ARHGAP44: variants seen among roughly 807,000 people sequenced by gnomAD.
ARHGAP44 encodes Rho GTPase activating protein 44.
ARHGAP44 carries 43 observed loss-of-function variants against 106.8 expected under a neutral mutation model. That is an observed-to-expected ratio of 0.40 (90% CI 0.32 to 0.52). The LOEUF (loss-of-function observed/expected upper bound fraction) is 0.52, where lower values mean the gene tolerates loss of function less well. ARHGAP44 is among the 20% of genes least tolerant of loss of function. The pLI, the probability that ARHGAP44 is intolerant of heterozygous loss-of-function variation, is 0.48. For synonymous variants in ARHGAP44, 439 were observed against 410.3 expected, an observed-to-expected ratio of 1.07 and a Z score of -0.85; for missense variants, 866 against 1,050.5, an observed-to-expected ratio of 0.82 and a Z score of 2.43.
At chr17:12,918,533 A>G (rs2037983179) in intron 5 of ARHGAP44, among the ~76,000 whole-genome samples, 1 of 152,234 alleles carries the variant, frequency 6.6e-6, no homozygotes, top group South Asian at 2.1e-4. Flanking sequence ...GAGCATCTAC[A>G]TACAACCAAA....
In ARHGAP44 at chr17:12,958,814, T is replaced by C. The variant is rs747176944; in HGVS notation, c.1440T>C (p.Ala480=). 7 of 1,608,302 alleles carry C rather than the reference T, an allele frequency of 4.4e-6. No homozygotes were observed. In the African/African-American group the frequency reaches 6.7e-5, roughly 15 times the overall value. Residue 480 remains alanine, a synonymous_variant, in exon 16 of 21, where the codon GCT becomes GCC. Transcript: ENST00000379672. This position sits in a 1 kb window ranked among gnomAD's most constrained non-coding sequence, Gnocchi z 4.1. Reference sequence around the variant, plus strand: ...TGCCCTCCCCAGACATGGACCCTGCTGACCGGCGCCAGCCCGAGCAGGCCC... The same window carrying C: ...TGCCCTCCCCAGACATGGACCCTGCCGACCGGCGCCAGCCCGAGCAGGCCC... ...SSMPSPDMDP[A]DRRQPEQARR...
At chr17:12,821,733 T>C (rs2034775965) in intron 1 of ARHGAP44, among the ~76,000 whole-genome samples, 1 of 152,214 alleles carries the variant, frequency 6.6e-6, no homozygotes, top group South Asian at 2.1e-4. Context: ...TTATGTTCCT[T>C]TCCTTTTGGA....
chr17:12,981,600 G>A (rs1362469190), intron 19 of ARHGAP44, among the ~76,000 whole-genome samples: 1 of 151,856 alleles, frequency 6.6e-6, no homozygotes, highest in Non-Finnish European at 1.5e-5. Flanking sequence ...GTTTCACCAT[G>A]TTGGCCAGAC....
intron 6 of ARHGAP44, among the ~76,000 whole-genome samples, chr17:12,925,918 ATGAC>A (rs1331067238): frequency 6.6e-6 from 1 of 152,114 alleles, no homozygotes; most frequent in East Asian, 1.9e-4. Flanking sequence ...TTTTCCCAAC[ATGAC>A]TATCTGTACA....
intron 1 of ARHGAP44, among the ~76,000 whole-genome samples, chr17:12,825,630 T>C (rs1316120171): frequency 6.6e-6 from 1 of 152,136 alleles, no homozygotes. Context: ...TCCAACTGAT[T>C]TGATGAGGCC....
At position 12,958,980 on chromosome 17, in the gene ARHGAP44, T is replaced by A; in HGVS notation, c.1523+83T>A. 1 of 1,469,188 alleles carries A rather than the reference T, an allele frequency of 6.8e-7. No homozygotes were observed. Among genetic ancestry groups the A allele is most frequent in the Non-Finnish European group, 9.3e-7 (1 of 1,079,068 alleles). 91.0% of individuals were successfully genotyped at this position (1,469,188 alleles called of 1,614,324 possible). On this transcript the variant is annotated intron_variant, in intron 16 of 20. Transcript: ENST00000379672. This position sits in a 1 kb window ranked among gnomAD's most constrained non-coding sequence, Gnocchi z 4.1. Reference sequence around the variant, plus strand: ...TGGGTGACGCATAAGAAAAATACAATTACGGGAAGGCTGCACTGACTCTCA... The same window carrying A: ...TGGGTGACGCATAAGAAAAATACAAATACGGGAAGGCTGCACTGACTCTCA...
intron 1 of ARHGAP44, among the ~76,000 whole-genome samples, chr17:12,793,147 A>G (rs928861548): frequency 2.0e-5 from 3 of 152,174 alleles, no homozygotes; most frequent in African/African-American, 7.2e-5. Context: ...TACTTGCAAA[A>G]TGGGAGTAGT....
chr17:12,919,862 T>G (rs143128485), intron 6 of ARHGAP44, 31 bp downstream of exon 6: 3 of 1,581,354 alleles, frequency 1.9e-6, no homozygotes, highest in South Asian at 2.3e-5. Context: ...TTTTTGCTTC[T>G]TTGAAGGGAC....
intron 1 of ARHGAP44, among the ~76,000 whole-genome samples, chr17:12,868,817 C>A (rs571897226): frequency 6.6e-6 from 1 of 151,216 alleles, no homozygotes; most frequent in South Asian, 2.1e-4. Flanking sequence ...GCCACCACGC[C>A]TGGCTAGTTT....
At chr17:12,819,582 GTT>G (rs112095946) in intron 1 of ARHGAP44, among the ~76,000 whole-genome samples, 4 of 141,584 alleles carry the variant, frequency 2.8e-5, no homozygotes, top group Admixed American at 7.0e-5. Context: ...ATACTGTCAA[GTT>G]TTTTTTTTTT....
rs1724045497 is a variant in ARHGAP44, at chr17:12,990,798, C to G, written c.*627C>G. 6.6e-6 allele frequency: 1 copy of G among 152,288 alleles called. No homozygotes were observed. The highest frequency in any genetic ancestry group is 1.5e-5 in the Non-Finnish European group (1 of 68,086). 9.4% of individuals were successfully genotyped at this position (152,288 alleles called of 1,614,324 possible). A position where few individuals can be genotyped will look rare whatever the true frequency, so the allele number is the denominator to read the frequency against. ...AAAACAAAAATGTTTCACTTCCTAA[C>G]AGTTTTCCTTTTTCCACTGTGTGAC... On this transcript the variant is annotated 3_prime_UTR_variant, in exon 21 of 21. Transcript: ENST00000379672.
chr17:12,967,249 C>CTTT (rs57651305), intron 16 of ARHGAP44, among the ~76,000 whole-genome samples: 3 of 93,182 alleles, frequency 3.2e-5, no homozygotes, highest in East Asian at 4.0e-4. Flanking sequence ...ACTCTTTTTG[C>CTTT]TTTTTTTTTT....
At chr17:12,915,751 G>T (rs2037891147) in intron 4 of ARHGAP44, 149 bp from the exon 5 acceptor site, 4 of 633,104 alleles carry the variant, frequency 6.3e-6, no homozygotes, top group Non-Finnish European at 1.1e-5. Context: ...GCTGGAACAG[G>T]TTGGCCCAGG....
intron 1 of ARHGAP44, among the ~76,000 whole-genome samples, chr17:12,796,865 A>G (rs1290798013): frequency 1.3e-5 from 2 of 150,134 alleles, no homozygotes; most frequent in African/African-American, 2.5e-5. Context: ...TCAGCCTCCC[A>G]AAGTGCTGGG....
intron 1 of ARHGAP44, among the ~76,000 whole-genome samples, chr17:12,869,507 G>A (rs2036341994): frequency 6.6e-6 from 1 of 151,702 alleles, no homozygotes; most frequent in Admixed American, 6.6e-5. Flanking sequence ...CCATTTTCAG[G>A]TATACAGTTC....
chr17:12,844,394 C>G (rs2035504420), intron 1 of ARHGAP44, among the ~76,000 whole-genome samples: 1 of 152,192 alleles, frequency 6.6e-6, no homozygotes, highest in South Asian at 2.1e-4. Flanking sequence ...GCAACAGACT[C>G]TTGTGATAAC....
Position 12,990,845 on chromosome 17 carries a change from A to ATATT in ARHGAP44, c.*676_*679dup, listed in dbSNP as rs1219219780. On this transcript the variant is annotated 3_prime_UTR_variant, in exon 21 of 21. Transcript: ENST00000379672. ...TGACTGAAAGCTCCTATATCATTTT[A>ATATT]TATTTCTGAATCTATAAAACAAAAC... 2 of 152,214 alleles carry ATATT rather than the reference A, an allele frequency of 1.3e-5. No homozygotes were observed. The highest frequency in any genetic ancestry group is 1.3e-4 in the Admixed American group (2 of 15,276). The allele number at this position is 152,214 out of a possible 1,614,324, so 9.4% of individuals were successfully genotyped here.
At chr17:12,952,696 C>T in intron 13 of ARHGAP44, 115 bp downstream of exon 13, 1 of 593,220 alleles carries the variant, frequency 1.7e-6, no homozygotes, top group Non-Finnish European at 2.9e-6. Context: ...TTATGATGTC[C>T]AAGGTATTAT....
chr17:12,931,689 C>T (rs1349576682), intron 7 of ARHGAP44, among the ~76,000 whole-genome samples: 11 of 151,862 alleles, frequency 7.2e-5, no homozygotes, highest in Admixed American at 3.9e-4. Context: ...TTAGTAGAGA[C>T]GGGGTTTCAC....
Sources: allele counts gnomAD v4.1 joint callset (sites outside exome capture counted in the v4.1 genomes callset), GRCh38; gene constraint gnomAD v4.1.1; non-coding constraint Gnocchi (gnomAD v3.1); transcripts MANE v1.5; gene names NCBI Gene and HGNC (gene_info 2026-07-23, HGNC 2026-07-21).